TMEM278: variants seen among roughly 807,000 people sequenced by gnomAD.
The protein encoded by TMEM278 is transmembrane protein 278, also known as transmembrane protein 88B.
the TMEM278 span, among the ~76,000 whole-genome samples, chr1:1,429,432 C>T: frequency 6.6e-6 from 1 of 151,734 alleles, no homozygotes; most frequent in African/African-American, 2.4e-5. Context: ...TCTCTTGATA[C>T]ATGCTTGCTT....
the TMEM278 span, among the ~76,000 whole-genome samples, chr1:1,429,247 C>G: frequency 3.3e-5 from 5 of 151,916 alleles, no homozygotes; most frequent in Non-Finnish European, 7.4e-5. Flanking sequence ...ACTCAGGAGG[C>G]TGAGGCACAA....
At chr1:1,426,244 A>G in the TMEM278 span, 19 of 1,481,334 alleles carry the variant, frequency 1.3e-5, no homozygotes, top group Non-Finnish European at 1.5e-5. Context: ...TGACGTGCCC[A>G]GGGTGGTCGG....
chr1:1,426,982 C>T, the TMEM278 span, among the ~76,000 whole-genome samples: 1,807 of 151,634 alleles, frequency 0.012, 10 homozygotes, highest in Non-Finnish European at 0.015. Context: ...CCTGTTCACC[C>T]CTCAGCACTG....
At chr1:1,427,536 G>A in the TMEM278 span, 1 of 321,954 alleles carries the variant, frequency 3.1e-6, no homozygotes, top group Non-Finnish European at 3.4e-6. Context: ...CCCCACTGAC[G>A]GCCCGCCCGG....
chr1:1,428,416 G>A, the TMEM278 span, among the ~76,000 whole-genome samples: 20 of 152,062 alleles, frequency 1.3e-4, no homozygotes, highest in African/African-American at 4.8e-4. Flanking sequence ...ATTCAGACAT[G>A]CGCCAGCCTC....
chr1:1,429,297 G>C, the TMEM278 span, among the ~76,000 whole-genome samples: 25 of 151,326 alleles, frequency 1.7e-4, no homozygotes, highest in Non-Finnish European at 7.4e-5. Flanking sequence ...GGAGTGAGCT[G>C]AGAGGGTGCC....
At chr1:1,427,574 C>A in the TMEM278 span, 1 of 1,217,148 alleles carries the variant, frequency 8.2e-7, no homozygotes. Context: ...CTCCGGGTCC[C>A]CGGTGCCGCG....
the TMEM278 span, chr1:1,426,145 G>C: frequency 7.1e-7 from 1 of 1,410,552 alleles, no homozygotes; most frequent in Non-Finnish European, 9.3e-7. Context: ...AGCAGGGGAG[G>C]GAGACGGAGG....
At chr1:1,426,165 G>C in the TMEM278 span, 20 of 1,416,536 alleles carry the variant, frequency 1.4e-5, no homozygotes, top group Non-Finnish European at 1.8e-5. Flanking sequence ...GAGGAGGAGG[G>C]GGGAGGTGGT....
chr1:1,428,398 A>G, the TMEM278 span, among the ~76,000 whole-genome samples: 1 of 152,024 alleles, frequency 6.6e-6, no homozygotes, highest in Admixed American at 6.5e-5. Context: ...GCCTATGGCC[A>G]GGCTCGCATT....
chr1:1,428,893 G>C, the TMEM278 span, among the ~76,000 whole-genome samples: 1 of 151,672 alleles, frequency 6.6e-6, no homozygotes, highest in Admixed American at 6.6e-5. Flanking sequence ...CCAGCTACTC[G>C]GGAGGCTGAG....
the TMEM278 span, among the ~76,000 whole-genome samples, chr1:1,428,335 G>A: frequency 1.3e-5 from 2 of 151,988 alleles, no homozygotes; most frequent in African/African-American, 2.4e-5. Flanking sequence ...AGACACCCAC[G>A]CTCGGCCAAG....
the TMEM278 span, chr1:1,427,829 C>A: frequency 7.4e-7 from 1 of 1,359,524 alleles, no homozygotes; most frequent in Non-Finnish European, 9.5e-7. Context: ...TCCGAGCTCG[C>A]GCGCGACCCC....
chr1:1,427,851 C>G, the TMEM278 span: 14 of 1,312,520 alleles, frequency 1.1e-5, no homozygotes, highest in Non-Finnish European at 1.4e-5. Flanking sequence ...TCGCGTGGCC[C>G]GGCCCGGAAA....
the TMEM278 span, chr1:1,426,382 G>A: frequency 9.1e-5 from 128 of 1,404,444 alleles, 1 homozygote; most frequent in South Asian, 5.6e-4. Context: ...TGTGCCACTC[G>A]AGGGTGAGCC....
At chr1:1,426,016 G>A in the TMEM278 span, 1 of 1,261,422 alleles carries the variant, frequency 7.9e-7, no homozygotes, top group Non-Finnish European at 1.0e-6. Context: ...CTGGCTGGGG[G>A]ATGTGGACTG....
At chr1:1,427,858 G>A in the TMEM278 span, 96 of 1,289,240 alleles carry the variant, frequency 7.4e-5, no homozygotes, top group Non-Finnish European at 9.3e-5. Context: ...GCCCGGCCCG[G>A]AAAACTGAGG....
At chr1:1,428,364 C>T in the TMEM278 span, among the ~76,000 whole-genome samples, 1 of 152,028 alleles carries the variant, frequency 6.6e-6, no homozygotes, top group Admixed American at 6.5e-5. Flanking sequence ...TCCAGAAGCC[C>T]AGGGGTGGCG....
At chr1:1,427,104 C>A in the TMEM278 span, among the ~76,000 whole-genome samples, 1 of 146,578 alleles carries the variant, frequency 6.8e-6, no homozygotes, top group South Asian at 2.2e-4. Context: ...CCCTGCTCAG[C>A]CCGCCACGGC....
Sources: gnomAD v4.1 joint callset for allele counts (sites outside exome capture counted in the v4.1 genomes callset) on GRCh38, gnomAD v4.1.1 for gene constraint, MANE v1.5 for transcripts, NCBI Gene and HGNC (gene_info 2026-07-23, HGNC 2026-07-21) for gene names.